RAB27B: variants seen among roughly 807,000 people sequenced by gnomAD.
RAB27B encodes ras-related protein Rab-27B.
A neutral mutation model predicts 24.6 loss-of-function variants in RAB27B; 15 were observed. The observed-to-expected ratio is 0.61, with a 90% CI of 0.41 to 0.94. The LOEUF is 0.94. Among genes scored for constraint, RAB27B ranks in the 40% least tolerant of loss-of-function variants. The probability of loss-of-function intolerance (pLI) is 0.00; values close to 1 mark genes in which losing one functional copy is unlikely to be tolerated. For missense variants in RAB27B, 261 were observed against 266.8 expected (o/e 0.98, Z 0.15); for synonymous variants, 105 against 92.5 (o/e 1.14, Z -0.78).
intron 2 of RAB27B, among the ~76,000 whole-genome samples, chr18:54,806,074 C>CT (rs1312504941): frequency 6.6e-6 from 1 of 152,154 alleles, no homozygotes; most frequent in Non-Finnish European, 1.5e-5. Context: ...TCCATTTGAT[C>CT]TGCTTGCAAC....
At chr18:54,811,879 ATT>A (rs1909974623) in intron 2 of RAB27B, among the ~76,000 whole-genome samples, 2 of 152,168 alleles carry the variant, frequency 1.3e-5, no homozygotes, top group African/African-American at 2.4e-5. Context: ...CTTGAGATGT[ATT>A]TTTCTTTCAT....
rs147155055 is a variant in RAB27B at position 54,810,579 on chromosome 18, C to T, written c.-19-66988C>T. 2.4e-3 allele frequency among the ~76,000 whole-genome samples: 364 copies of T among 152,122 alleles called. 3 individuals carry two copies. Among genetic ancestry groups the T allele is most frequent in the African/African-American group, 8.1e-3 (337 of 41,498 alleles). On this transcript the variant is annotated intron_variant, in intron 2 of 4. Transcript: ENST00000586570. ...GTGCCAAGGCTCACACCTGTAATCC[C>T]AGCACATTGGGAGGCTGAGGTGGGC... is the stretch of plus-strand genomic sequence containing the variant.
intron 2 of RAB27B, among the ~76,000 whole-genome samples, chr18:54,810,542 A>G (rs1275215237): frequency 2.6e-5 from 4 of 152,092 alleles, no homozygotes; most frequent in Admixed American, 2.6e-4. Context: ...GAATTAAAAA[A>G]AATCAGGCTG....
chr18:54,808,003 C>G (rs1450135925), intron 2 of RAB27B, among the ~76,000 whole-genome samples: 1 of 152,130 alleles, frequency 6.6e-6, no homozygotes, highest in African/African-American at 2.4e-5. Flanking sequence ...TAATTTTGCA[C>G]TAATTATGGT....
intron 1 of RAB27B, among the ~76,000 whole-genome samples, chr18:54,830,368 G>A (rs1275340930): frequency 1.3e-5 from 2 of 152,160 alleles, no homozygotes; most frequent in African/African-American, 4.8e-5. Context: ...TTTTGGTTAG[G>A]TTTTTGGGCT....
chr18:54,866,827 A>T (rs1715097977), intron 1 of RAB27B, among the ~76,000 whole-genome samples: 1 of 152,184 alleles, frequency 6.6e-6, no homozygotes, highest in Non-Finnish European at 1.5e-5. Flanking sequence ...GATGTGGGGC[A>T]GCTCCTCGTA....
intron 2 of RAB27B, among the ~76,000 whole-genome samples, chr18:54,810,416 A>G (rs936069917): frequency 6.6e-6 from 1 of 152,228 alleles, no homozygotes; most frequent in African/African-American, 2.4e-5. Flanking sequence ...TTTACATAAA[A>G]GAGTAAACAA....
chr18:54,814,663 A>AT (rs1298840688), intron 2 of RAB27B, among the ~76,000 whole-genome samples: 3 of 152,188 alleles, frequency 2.0e-5, no homozygotes, highest in African/African-American at 7.2e-5. Flanking sequence ...TGTTAAGCAT[A>AT]TATTTTTATC....
intron 1 of RAB27B, among the ~76,000 whole-genome samples, chr18:54,874,825 C>G (rs1280159508): frequency 6.6e-6 from 1 of 152,084 alleles, no homozygotes; most frequent in Admixed American, 6.5e-5. Context: ...AGTGAAATGA[C>G]AAACATTATC....
intron 1 of RAB27B, among the ~76,000 whole-genome samples, chr18:54,844,558 C>T (rs1018152074): frequency 6.6e-6 from 1 of 151,898 alleles, no homozygotes; most frequent in Non-Finnish European, 1.5e-5. Flanking sequence ...AGGCATTAGC[C>T]ACCACACCTG....
intron 2 of RAB27B, among the ~76,000 whole-genome samples, chr18:54,738,092 G>A (rs1482628563): frequency 1.3e-5 from 2 of 152,098 alleles, no homozygotes; most frequent in Admixed American, 1.3e-4. Context: ...AGAGAGAAGA[G>A]CCTACGTATT....
intron 1 of RAB27B, among the ~76,000 whole-genome samples, chr18:54,844,442 T>A (rs1911246297): frequency 7.0e-6 from 1 of 143,318 alleles, no homozygotes; most frequent in Admixed American, 7.4e-5. Flanking sequence ...AGTCTTGCTC[T>A]GTCGCCCACT....
chr18:54,770,803 G>C (rs1360221769), intron 2 of RAB27B, among the ~76,000 whole-genome samples: 2 of 151,922 alleles, frequency 1.3e-5, no homozygotes. Flanking sequence ...ATTAGATAAG[G>C]CATATCCCTT....
chr18:54,791,523 G>A (rs1478275660), intron 2 of RAB27B, among the ~76,000 whole-genome samples: 1 of 152,200 alleles, frequency 6.6e-6, no homozygotes, highest in East Asian at 1.9e-4. Flanking sequence ...GTCCTGGGAA[G>A]GGAAGAGTGT....
intron 2 of RAB27B, among the ~76,000 whole-genome samples, chr18:54,754,058 A>G (rs1316684931): frequency 1.3e-5 from 2 of 152,160 alleles, no homozygotes; most frequent in Non-Finnish European, 2.9e-5. Flanking sequence ...CATTAATGAT[A>G]TGGTTTGGCT....
rs1016971656 is a variant in RAB27B, at chr18:54,754,708, CTA to C, written c.-20+36569_-20+36570del. 6.6e-5 allele frequency among the ~76,000 whole-genome samples: 10 copies of C among 152,304 alleles called. No homozygotes were observed. In the East Asian group the frequency reaches 7.7e-4, roughly 12 times the overall value. ...TATCATTTTGTTGATTTAAAGAAAA[CTA>C]TTTCTGACATTTTAATGTGTAAATA... On this transcript the variant is annotated intron_variant, in intron 2 of 4. Transcript: ENST00000586570.
intron 1 of RAB27B, among the ~76,000 whole-genome samples, chr18:54,850,333 G>GAGATATATATATATAT (rs869079784): frequency 3.2e-5 from 3 of 95,154 alleles, no homozygotes; most frequent in African/African-American, 4.7e-5. Context: ...AAACAAACAG[G>GAGATATATATATATAT]ATATATATAT....
In RAB27B at chr18:54,724,453, G is replaced by T. The variant is rs533747568; in HGVS notation, c.-20+6312G>T. 4.0e-5 allele frequency among the ~76,000 whole-genome samples: 6 copies of T among 151,568 alleles called. 1 individual carries two copies. In the South Asian group the frequency reaches 1.3e-3, roughly 32 times the overall value. On this transcript the variant is annotated intron_variant, in intron 2 of 4. Coordinates refer to the RAB27B transcript ENST00000586570. ...AATACCGTATTACTGGCTGGGTGCC[G>T]TGGCTCATGCCTGTAATCCCAGCGC...
chr18:54,838,871 A>G (rs1360567958), intron 1 of RAB27B, among the ~76,000 whole-genome samples: 1 of 152,084 alleles, frequency 6.6e-6, no homozygotes, highest in Non-Finnish European at 1.5e-5. Context: ...TGTTATCTCC[A>G]TCTGTAAATT....
Sources: gnomAD v4.1 joint callset for allele counts (sites outside exome capture counted in the v4.1 genomes callset) on GRCh38, gnomAD v4.1.1 for gene constraint, MANE v1.5 for transcripts, NCBI Gene and HGNC (gene_info 2026-07-23, HGNC 2026-07-21) for gene names.